The following WDR11 variants were observed in gnomAD, a reference collection of about 807,000 sequenced individuals.
WDR11 encodes WD repeat-containing protein 11.
Under a neutral mutation model 151.2 loss-of-function variants are expected in WDR11, and 83 were observed. The observed-to-expected ratio is 0.55, with a 90% confidence interval of 0.46 to 0.66. WDR11 has a LOEUF of 0.66. Among genes scored for constraint, WDR11 ranks in the 30% least tolerant of loss-of-function variants. The probability of loss-of-function intolerance (pLI) is 0.00; values close to 1 mark genes in which losing one functional copy is unlikely to be tolerated. For missense variants in WDR11, 1,301 were observed against 1,480.9 expected, an observed-to-expected ratio of 0.88 and a Z score of 1.99; for synonymous variants, 484 against 533.1, an observed-to-expected ratio of 0.91 and a Z score of 1.27.
intron 13 of WDR11, among the ~76,000 whole-genome samples, chr10:120,882,647 T>C (rs1384008732): frequency 6.6e-6 from 1 of 151,966 alleles, no homozygotes; most frequent in African/African-American, 2.4e-5. Flanking sequence ...AGTTGCTGAG[T>C]TTATTAATTT....
intron 17 of WDR11, chr10:120,889,415 T>C: frequency 4.3e-6 from 2 of 464,712 alleles, no homozygotes; most frequent in Non-Finnish European, 7.9e-6. Flanking sequence ...TTTTTTTGTA[T>C]TTTTTTAGTA....
Position 120,908,717 on chromosome 10 carries a change from C to G in WDR11, c.*4C>G. On this transcript the variant is annotated 3_prime_UTR_variant, in exon 29 of 29. Transcript: ENST00000263461. ...GGAAGAACCCATTGAAGAGTGACAGCTTAATAAATGCCAGGGAATCTGACC... is the reference window on the plus strand; with the variant it reads ...GGAAGAACCCATTGAAGAGTGACAGGTTAATAAATGCCAGGGAATCTGACC... The G allele has an allele frequency of 1.2e-6, 2 of 1,613,936 alleles. No individual in the cohort carries two copies. The highest frequency in any genetic ancestry group is 2.2e-5 in the South Asian group (2 of 91,062).
At chr10:120,904,299 A>G (rs1028896038) in intron 24 of WDR11, 157 bp downstream of exon 24, 13 of 683,994 alleles carry the variant, frequency 1.9e-5, no homozygotes, top group African/African-American at 5.4e-5. Context: ...AATAATACCA[A>G]TAAACCTCAT....
rs1847998916 is a variant in WDR11 at position 120,905,414 on chromosome 10, A to G, written c.3289A>G (p.Lys1097Glu). The change falls in exon 26 of 29, where the codon AAA becomes GAA. Residue 1097 changes from lysine to glutamate, a missense_variant and splice_region_variant. By Grantham distance (56) the Lys-to-Glu change is moderately conservative. Transcript: ENST00000263461. ...GTGGAATCGGGCTGCATGGCTGGCA[A>G]AAGTAGGTGGTTCCAAGTTTCAATA... ...GEWNRAAWLA[K>E]VRLNPEECAD... The G allele has an allele frequency of 6.2e-7, 1 of 1,614,162 alleles. No individual in the cohort carries two copies. Among genetic ancestry groups the G allele is most frequent in the Non-Finnish European group, 8.5e-7 (1 of 1,180,024 alleles).
chr10:120,888,899 C>A (rs560223158), intron 16 of WDR11, among the ~76,000 whole-genome samples, 179 bp from the exon 17 acceptor site: 140 of 151,886 alleles, frequency 9.2e-4, no homozygotes, highest in Non-Finnish European at 1.6e-3. Context: ...CCTATTTCTT[C>A]ATAGTTGAAA....
rs1847367922 is a variant in WDR11 at position 120,889,980 on chromosome 10, G to A, written c.2314G>A (p.Asp772Asn). 3 of 1,613,620 alleles carry A rather than the reference G, an allele frequency of 1.9e-6. No individual in the cohort carries two copies. The African/African-American group carries it at 4.0e-5, about 22-fold the overall frequency. Residue 772 changes from aspartate (D) to asparagine (N), a missense_variant, in exon 18 of 29, where the codon GAT (aspartate) becomes AAT (asparagine). By Grantham distance (23) the Asp-to-Asn change is conservative (BLOSUM62 1). Around this residue, in one of 3 missense-constraint regions of WDR11, gnomAD observed 589 missense variants for 670.6 expected, o/e 0.88. Transcript: ENST00000263461. ...TCAAAAATTAATAGCAATGTACAAT[G>A]ATGGAGCTGAAGTGTGGGATACTAA... ...GNQKLIAMYN[D>N]GAEVWDTKEV...
At chr10:120,890,643 T>C (rs1847401443) in intron 18 of WDR11, 73 bp from the exon 19 acceptor site, 5 of 1,588,432 alleles carry the variant, frequency 3.1e-6, no homozygotes, top group Non-Finnish European at 4.3e-6. Flanking sequence ...ACTGTCTTCC[T>C]TGACCATTTA....
intron 2 of WDR11, among the ~76,000 whole-genome samples, chr10:120,855,737 T>G (rs1434296440): frequency 6.6e-6 from 1 of 152,248 alleles, no homozygotes. Context: ...CTAACTTCAC[T>G]TAGTAGATCT....
In WDR11 at chr10:120,873,784, C is replaced by T. The variant is rs1484163876; in HGVS notation, c.1472-55C>T. ...AAGTCTTGAGAAAAGACTTTTCTTG[C>T]AAAGTGCTGGAACTCCCACTGAATT... On this transcript the variant is annotated intron_variant, in intron 10 of 28. Coordinates refer to ENST00000263461, the MANE Select transcript of WDR11 (RefSeq NM_018117.12). 3 of 1,235,008 alleles carry T rather than the reference C, an allele frequency of 2.4e-6. No individual in the cohort carries two copies. The African/African-American group carries it at 4.4e-5, about 18-fold the overall frequency. 76.5% of individuals were successfully genotyped at this position (1,235,008 alleles called of 1,614,324 possible).
At chr10:120,875,714 A>G (rs1167297223) in intron 11 of WDR11, among the ~76,000 whole-genome samples, 2 of 152,200 alleles carry the variant, frequency 1.3e-5, no homozygotes, top group East Asian at 1.9e-4. Context: ...CATGTTGGCC[A>G]GGCTGATGTT....
intron 11 of WDR11, among the ~76,000 whole-genome samples, chr10:120,877,617 A>C (rs932702733): frequency 6.6e-6 from 1 of 151,990 alleles, no homozygotes; most frequent in Non-Finnish European, 1.5e-5. Context: ...ACCCTGTCTC[A>C]AAAAACACAA....
intron 4 of WDR11, among the ~76,000 whole-genome samples, chr10:120,861,527 C>T (rs551613678): frequency 9.9e-5 from 15 of 152,172 alleles, no homozygotes; most frequent in Non-Finnish European, 1.2e-4. Context: ...GTTCTGGAAC[C>T]TGAAAAGGCA....
intron 22 of WDR11, 71 bp downstream of exon 22, chr10:120,902,393 A>G: frequency 7.4e-7 from 1 of 1,353,384 alleles, no homozygotes; most frequent in Non-Finnish European, 1.1e-6. Flanking sequence ...AAGGGTTTTT[A>G]GTTAGAAACA....
At chr10:120,859,980 T>C in intron 3 of WDR11, 129 bp from the exon 4 acceptor site, 3 of 950,788 alleles carry the variant, frequency 3.2e-6, no homozygotes, top group East Asian at 2.7e-5. Flanking sequence ...CACACACACG[T>C]CACATTTGGG....
intron 13 of WDR11, among the ~76,000 whole-genome samples, chr10:120,881,567 T>C (rs1228509799): frequency 6.6e-6 from 1 of 152,158 alleles, no homozygotes; most frequent in African/African-American, 2.4e-5. Context: ...TTCAGCAATA[T>C]TTTGTAGTTT....
Position 120,886,670 on chromosome 10 carries a change from A to G in WDR11, c.1974-19A>G. ...GGGGAAAAAAAAACATCTTTATCAT[A>G]TGTTTCACTATCCCAAAGCTTGCTG... On this transcript the variant is annotated intron_variant, in intron 15 of 28. Transcript: ENST00000263461. 2.5e-6 allele frequency: 4 copies of G among 1,612,532 alleles called. No individual in the cohort carries two copies. The highest frequency in any genetic ancestry group is 3.4e-6 in the Non-Finnish European group (4 of 1,179,246).
At chr10:120,888,890 CTA>C (rs1847318270) in intron 16 of WDR11, among the ~76,000 whole-genome samples, 186 bp from the exon 17 acceptor site, 1 of 152,012 alleles carries the variant, frequency 6.6e-6, no homozygotes, top group Non-Finnish European at 1.5e-5. Flanking sequence ...TTGAAATCTC[CTA>C]TTTCTTCATA....
In WDR11 at chr10:120,866,758, G is replaced by A. The variant is rs756320533; in HGVS notation, c.1184G>A (p.Arg395Gln). 3.2e-5 allele frequency: 51 copies of A among 1,613,932 alleles called. No homozygotes were observed. Among genetic ancestry groups the A allele is most frequent in the East Asian group, 4.5e-5 (2 of 44,896 alleles). The change falls in exon 8 of 29, where the codon CGG becomes CAG. Residue 395 changes from arginine to glutamine, a missense_variant. Arg to Gln is a conservative substitution (Grantham distance 43). Around this residue, in one of 3 missense-constraint regions of WDR11, gnomAD observed 692 missense variants for 762.5 expected, o/e 0.91. Coordinates refer to ENST00000263461, the MANE Select transcript of WDR11 (RefSeq NM_018117.12). ...TCTGCAGTTTGTAATCGAAATTCAC[G>A]GAACAGGTAAATGAATCAACAGGAT... ...LKSAVCNRNS[R>Q]NSSSGVSPLY... is the part of the protein sequence containing the mutation.
At chr10:120,906,905 TG>T (rs751754829) in intron 28 of WDR11, 50 bp downstream of exon 28, 1 of 1,613,678 alleles carries the variant, frequency 6.2e-7, no homozygotes, top group South Asian at 1.1e-5. Context: ...GTGACATGCA[TG>T]GGTTTTGGAA....
Sources: allele counts gnomAD v4.1 joint callset (sites outside exome capture counted in the v4.1 genomes callset), GRCh38; gene constraint gnomAD v4.1.1; regional missense constraint gnomAD v4.1.1; transcripts MANE v1.5; gene names NCBI Gene and HGNC (gene_info 2026-07-23, HGNC 2026-07-21).